The following ANO4 variants were observed in gnomAD, a reference collection of about 807,000 sequenced individuals.
ANO4 encodes anoctamin 4.
ANO4 carries 69 observed loss-of-function variants against 141.9 expected under a neutral mutation model. The ratio of observed to expected loss-of-function variants is 0.49; its 90% CI spans 0.40 to 0.59. ANO4 has a LOEUF of 0.59. Among genes scored for constraint, ANO4 ranks in the 20% least tolerant of loss-of-function variants. The probability of loss-of-function intolerance (pLI) is 0.00; values close to 1 mark genes in which losing one functional copy is unlikely to be tolerated. For missense variants in ANO4, 894 were observed against 1,162.2 expected (o/e 0.77, Z 3.36); for synonymous variants, 350 against 394.3 (o/e 0.89, Z 1.33).
intron 1 of ANO4, among the ~76,000 whole-genome samples, chr12:100,849,444 CA>C (rs2037751522): frequency 6.6e-6 from 1 of 152,162 alleles, no homozygotes; most frequent in Non-Finnish European, 1.5e-5. Flanking sequence ...CAGAGGCAGT[CA>C]ACGTTTTAGT....
At chr12:100,878,567 G>A (rs547370116) in intron 1 of ANO4, among the ~76,000 whole-genome samples, 1 of 152,264 alleles carries the variant, frequency 6.6e-6, no homozygotes, top group East Asian at 1.9e-4. Flanking sequence ...AGTGAAGGCA[G>A]GACCCTTAAC....
chr12:100,984,687 C>T (rs934046378), intron 7 of ANO4, among the ~76,000 whole-genome samples: 4 of 152,150 alleles, frequency 2.6e-5, no homozygotes, highest in Non-Finnish European at 4.4e-5. Flanking sequence ...ACAGCTGAGG[C>T]GCAAGAGAGC....
chr12:100,809,045 C>T (rs968837580), intron 1 of ANO4, among the ~76,000 whole-genome samples: 3 of 151,984 alleles, frequency 2.0e-5, no homozygotes, highest in Non-Finnish European at 2.9e-5. Flanking sequence ...AGACATGATC[C>T]CTTTCATTGA....
chr12:100,960,570 T>A (rs2043373774), intron 5 of ANO4, among the ~76,000 whole-genome samples: 1 of 151,884 alleles, frequency 6.6e-6, no homozygotes, highest in African/African-American at 2.4e-5. Context: ...ACCTGCACAT[T>A]CTGCACATGT....
intron 14 of ANO4, among the ~76,000 whole-genome samples, chr12:101,073,861 A>T (rs1432693633): frequency 2.0e-5 from 3 of 152,042 alleles, no homozygotes; most frequent in Non-Finnish European, 4.4e-5. Flanking sequence ...GATGAACTTT[A>T]TTTGTGGGTA....
intron 1 of ANO4, among the ~76,000 whole-genome samples, chr12:100,796,469 G>A (rs2034328108): frequency 6.6e-6 from 1 of 152,134 alleles, no homozygotes; most frequent in South Asian, 2.1e-4. Flanking sequence ...TGGGTCCAAA[G>A]TAGATGCGTT....
chr12:101,088,215 CT>C (rs1050803529), intron 17 of ANO4, among the ~76,000 whole-genome samples: 43 of 152,124 alleles, frequency 2.8e-4, no homozygotes, highest in African/African-American at 9.9e-4. Flanking sequence ...CACCCCAGGA[CT>C]TTTTTTATTT....
chr12:100,942,220 C>T (rs1156459843), intron 4 of ANO4, among the ~76,000 whole-genome samples, 157 bp from the exon 5 acceptor site: 2 of 152,102 alleles, frequency 1.3e-5, no homozygotes, highest in Non-Finnish European at 2.9e-5. Flanking sequence ...ACCTCGTGAT[C>T]CACCCGCCTC....
intron 8 of ANO4, among the ~76,000 whole-genome samples, chr12:100,999,831 A>C (rs1024285864): frequency 6.6e-6 from 1 of 151,714 alleles, no homozygotes; most frequent in African/African-American, 2.4e-5. Context: ...GATTGCTTGC[A>C]GCCAGGAGTT....
At chr12:100,977,283 C>G (rs977890009) in intron 7 of ANO4, among the ~76,000 whole-genome samples, 8 of 152,196 alleles carry the variant, frequency 5.3e-5, no homozygotes, top group Non-Finnish European at 1.2e-4. Flanking sequence ...CTTCTATCCT[C>G]TAGCAACTAG....
In ANO4 at chr12:101,017,089, C is replaced by T. The variant is rs139606409; in HGVS notation, c.735-2945C>T. ...TATAGCATCACATTAGTTGTTCTCA[C>T]GCTGCTAATAAAGACACACCCAAGA... On this transcript the variant is annotated intron_variant, in intron 8 of 27. Transcript: ENST00000392977. Among the ~76,000 whole-genome samples the T allele has an allele frequency of 1.2e-3, 176 of 152,244 alleles. 1 individual carries two copies. The highest frequency in any genetic ancestry group is 4.0e-3 in the African/African-American group (166 of 41,534).
At chr12:100,936,034 T>A (rs774174217) in intron 3 of ANO4, among the ~76,000 whole-genome samples, 4 of 152,118 alleles carry the variant, frequency 2.6e-5, no homozygotes, top group Non-Finnish European at 4.4e-5. Context: ...CTTTCTAATC[T>A]CTGCTGAAGA....
intron 7 of ANO4, 23 bp downstream of exon 7, chr12:100,974,912 A>T (rs1356121293): frequency 6.2e-7 from 1 of 1,613,496 alleles, no homozygotes. Context: ...CTCTGTCCTG[A>T]CAGTGTTTGT....
chr12:100,959,145 C>T (rs1299146110), intron 5 of ANO4, among the ~76,000 whole-genome samples: 1 of 151,970 alleles, frequency 6.6e-6, no homozygotes, highest in Admixed American at 6.5e-5. Context: ...TGCTGATAAC[C>T]TTGCCTATAC....
rs79659513 is a variant in ANO4, at chr12:100,743,062, G to A, written c.358+2957G>A. 4.5e-3 allele frequency among the ~76,000 whole-genome samples: 688 copies of A among 151,560 alleles called. 7 individuals are homozygous for A. Among genetic ancestry groups the A allele is most frequent in the Middle Eastern group, 0.018 (5 of 282 alleles). ...AAGTTACCACTCCATGTTATGTATTGTGATAAGTCCTTGGGAGAGAAAATT... is the reference window on the plus strand; with the variant it reads ...AAGTTACCACTCCATGTTATGTATTATGATAAGTCCTTGGGAGAGAAAATT... On this transcript the variant is annotated intron_variant, in intron 3 of 29. Coordinates refer to the ANO4 transcript ENST00000644049.
At chr12:100,804,419 C>T (rs1191323470) in intron 1 of ANO4, among the ~76,000 whole-genome samples, 1 of 152,166 alleles carries the variant, frequency 6.6e-6, no homozygotes, top group East Asian at 1.9e-4. Context: ...CAAATGCATG[C>T]ATGTATCTTT....
At chr12:100,908,351 A>G (rs1417916571) in intron 2 of ANO4, among the ~76,000 whole-genome samples, 1 of 152,222 alleles carries the variant, frequency 6.6e-6, no homozygotes, top group Non-Finnish European at 1.5e-5. Context: ...CTGTCTCAAA[A>G]AAACAAAAAC....
chr12:100,752,659 C>G (rs1163207957), intron 3 of ANO4, among the ~76,000 whole-genome samples: 1 of 151,994 alleles, frequency 6.6e-6, no homozygotes, highest in African/African-American at 2.4e-5. Flanking sequence ...CTCTTTGAGA[C>G]TGATTATTAA....
At chr12:100,881,470 A>G (rs1436270507) in intron 1 of ANO4, among the ~76,000 whole-genome samples, 1 of 151,506 alleles carries the variant, frequency 6.6e-6, no homozygotes, top group Non-Finnish European at 1.5e-5. Flanking sequence ...TTTGCTTCTC[A>G]AATTCTCCAC....
Sources: allele counts gnomAD v4.1 joint callset (sites outside exome capture counted in the v4.1 genomes callset), GRCh38; gene constraint gnomAD v4.1.1; transcripts MANE v1.5; gene names NCBI Gene and HGNC (gene_info 2026-07-23, HGNC 2026-07-21).